VPS13D: variants seen among roughly 807,000 people sequenced by gnomAD.
VPS13D encodes the protein intermembrane lipid transfer protein VPS13D.
VPS13D carries 187 observed loss-of-function variants against 461.9 expected under a neutral mutation model. That is an observed-to-expected ratio of 0.40 (90% confidence interval 0.36 to 0.46). VPS13D has a LOEUF of 0.46. VPS13D is among the 20% of genes least tolerant of loss of function. The pLI is 0.60. For missense variants in VPS13D, 4,711 were observed against 5,364.9 expected (o/e 0.88, Z 3.81); for synonymous variants, 1,951 against 1,986.3 (o/e 0.98, Z 0.47).
chr1:12,253,947 T>C, intron 7 of VPS13D, 121 bp downstream of exon 7: 1 of 729,040 alleles, frequency 1.4e-6, no homozygotes, highest in African/African-American at 1.8e-5. Context: ...ACTGTTCCTC[T>C]AAAGCCATTC....
chr1:12,399,548 G>A (rs1038645142), intron 60 of VPS13D, among the ~76,000 whole-genome samples: 2 of 152,114 alleles, frequency 1.3e-5, no homozygotes, highest in South Asian at 2.1e-4. Context: ...GGCTGAGTGC[G>A]GTGGCTCACG....
chr1:12,384,558 A>G (rs1644325814), intron 58 of VPS13D, among the ~76,000 whole-genome samples: 1 of 152,204 alleles, frequency 6.6e-6, no homozygotes, highest in Non-Finnish European at 1.5e-5. Context: ...GAAAAAAAAG[A>G]TGTTGGAATG....
At chr1:12,242,484 A>G (rs1569644909) in intron 2 of VPS13D, 29 bp from the exon 3 acceptor site, 2 of 1,597,948 alleles carry the variant, frequency 1.3e-6, no homozygotes, top group Non-Finnish European at 1.7e-6. Context: ...TGTTAAATGG[A>G]TATTTCATGA....
chr1:12,322,509 A>G (rs779907771), intron 33 of VPS13D, 27 bp from the exon 34 acceptor site: 10 of 1,610,680 alleles, frequency 6.2e-6, no homozygotes, highest in Non-Finnish European at 7.6e-6. Flanking sequence ...GCTTTAAAAA[A>G]TTGCTACCTT....
chr1:12,404,196 C>CGACATTGCCGAAGATCAAGGAGTA (rs1240656091), intron 63 of VPS13D, among the ~76,000 whole-genome samples: 1 of 148,818 alleles, frequency 6.7e-6, no homozygotes, highest in Non-Finnish European at 1.5e-5. Context: ...AACTTAAATA[C>CGACATTGCCGAAGATCAAGGAGTA]GACATTGCCG....
In VPS13D at chr1:12,256,997, G is replaced by A. The variant is rs764628738; in HGVS notation, c.851G>A (p.Arg284Gln). The A allele has an allele frequency of 4.3e-6, 7 of 1,614,026 alleles. No individual in the cohort carries two copies. Among genetic ancestry groups the A allele is most frequent in the South Asian group, 2.2e-5 (2 of 91,072 alleles). Reference protein sequence around the residue: ...IPLKLSQLQYRQIMEFLKELE... With the variant: ...IPLKLSQLQYQQIMEFLKELE... ...ACCTCTAATACAAAGCTGCAATACC[G>A]GCAAATCATGGAATTCCTCAAGGAG... Residue 284 changes from arginine to glutamine, a missense_variant, in exon 9 of 70, where the codon CGG (arginine) becomes CAG (glutamine). By Grantham distance (43) the Arg-to-Gln change is conservative. Transcript: ENST00000620676.
At chr1:12,443,495 A>T (rs1271390735) in intron 65 of VPS13D, among the ~76,000 whole-genome samples, 1 of 152,168 alleles carries the variant, frequency 6.6e-6, no homozygotes, top group Admixed American at 6.5e-5. Context: ...GAGTTACTTG[A>T]TTAGAGAGTA....
Position 12,487,327 on chromosome 1 carries a change from G to A in VPS13D, c.12663-10173G>A, listed in dbSNP as rs543835545. The stretch of plus-strand genomic sequence containing the variant: ...GCGGTCTTGAAAAAGCAAACAAATC[G>A]GGTCAGGCACGGTGGCTCACGCCTG... On this transcript the variant is annotated intron_variant, in intron 67 of 69. Coordinates refer to ENST00000620676, the MANE Select transcript of VPS13D (RefSeq NM_015378.4). Among the ~76,000 whole-genome samples, 8 of 152,100 alleles carry A rather than the reference G, an allele frequency of 5.3e-5. No individual in the cohort carries two copies. The South Asian group carries it at 1.5e-3, about 28-fold the overall frequency.
At chr1:12,281,575 T>A (rs1641784419) in intron 20 of VPS13D, among the ~76,000 whole-genome samples, 1 of 152,146 alleles carries the variant, frequency 6.6e-6, no homozygotes, top group African/African-American at 2.4e-5. Flanking sequence ...GGAGGTAGAC[T>A]TCAGGTAGGT....
chr1:12,289,010 T>C (rs1275889463), intron 22 of VPS13D, among the ~76,000 whole-genome samples: 4 of 152,016 alleles, frequency 2.6e-5, no homozygotes, highest in Non-Finnish European at 5.9e-5. Context: ...CCCAACTAAT[T>C]TTTGTATTTT....
rs1408090941 is a variant in VPS13D at position 12,273,545 on chromosome 1, CA to C, written c.2236+411del. ...CCCCGACTGAAACTCTGTGTGTACCCATTAAACACCAATTCCCCTTCTCGCT... is the reference window on the plus strand; with the variant it reads ...CCCCGACTGAAACTCTGTGTGTACCCTTAAACACCAATTCCCCTTCTCGCT... On this transcript the variant is annotated intron_variant, in intron 18 of 69. Coordinates refer to ENST00000620676, the MANE Select transcript of VPS13D (RefSeq NM_015378.4). Among the ~76,000 whole-genome samples the C allele has an allele frequency of 2.0e-5, 3 of 152,322 alleles. No individual in the cohort carries two copies. In the East Asian group the frequency reaches 5.8e-4, roughly 29 times the overall value.
At chr1:12,409,392 T>A (rs1644695072) in intron 63 of VPS13D, among the ~76,000 whole-genome samples, 2 of 152,146 alleles carry the variant, frequency 1.3e-5, no homozygotes, top group South Asian at 4.1e-4. Flanking sequence ...AGAAGACACA[T>A]GCAAAAAGAT....
intron 68 of VPS13D, among the ~76,000 whole-genome samples, chr1:12,506,634 G>A (rs1646111753): frequency 6.6e-6 from 1 of 152,256 alleles, no homozygotes; most frequent in East Asian, 1.9e-4. Context: ...GTCCAATAGA[G>A]TATTGTTACA....
Position 12,479,164 on chromosome 1 carries a change from T to C in VPS13D, c.12663-18336T>C, listed in dbSNP as rs568100677. Among the ~76,000 whole-genome samples the C allele has an allele frequency of 1.8e-4, 28 of 152,278 alleles. 1 individual carries two copies. The highest frequency in any genetic ancestry group is 5.5e-4 in the African/African-American group (23 of 41,542). ...CCTGGAGTGGCCTGGGTTCTTACAG[T>C]GGGCACTGCATTGAGGAAATGGGCA... On this transcript the variant is annotated intron_variant, in intron 67 of 69. Coordinates refer to ENST00000620676, the MANE Select transcript of VPS13D (RefSeq NM_015378.4).
chr1:12,253,603 T>C (rs1640813030), intron 6 of VPS13D, 119 bp from the exon 7 acceptor site: 1 of 736,928 alleles, frequency 1.4e-6, no homozygotes, highest in South Asian at 1.7e-5. Context: ...TTGAGTTATA[T>C]GTCCACAGCA....
intron 65 of VPS13D, among the ~76,000 whole-genome samples, chr1:12,450,620 C>A (rs1275557922): frequency 6.6e-6 from 1 of 152,158 alleles, no homozygotes; most frequent in African/African-American, 2.4e-5. Flanking sequence ...TAGTTAGCCA[C>A]GTGATCATGA....
At position 12,497,540 on chromosome 1, in the gene VPS13D, G is replaced by T. The variant is rs779521379; in HGVS notation, c.12703G>T (p.Gly4235Trp). 6.2e-6 allele frequency: 10 copies of T among 1,614,090 alleles called. No homozygotes were observed. The highest frequency in any genetic ancestry group is 6.8e-6 in the Non-Finnish European group (8 of 1,179,992). ...GGTTCGGAAACCGCGTTGCTGCACGGGGCCCCAGGGGCTGCTTCCCCGATA... is the reference window on the plus strand; with the variant it reads ...GGTTCGGAAACCGCGTTGCTGCACGTGGCCCCAGGGGCTGCTTCCCCGATA... The part of the protein sequence containing the change: ...QRVRKPRCCT[G>W]PQGLLPRYSE... Residue 4235 changes from glycine to tryptophan, a missense_variant, in exon 68 of 70, where the codon GGG becomes TGG. Gly to Trp is a radical substitution (Grantham distance 184). Around this residue, in one of 3 missense-constraint regions of VPS13D, gnomAD observed 194 missense variants for 220.9 expected, o/e 0.88. Transcript: ENST00000620676.
At chr1:12,459,496 T>TC (rs1432056508) in intron 66 of VPS13D, among the ~76,000 whole-genome samples, 2 of 150,960 alleles carry the variant, frequency 1.3e-5, no homozygotes, top group Non-Finnish European at 3.0e-5. Context: ...TTTTTTTTTT[T>TC]TTTGAGACAG....
intron 67 of VPS13D, among the ~76,000 whole-genome samples, chr1:12,483,922 C>G (rs1052875609): frequency 2.0e-5 from 3 of 151,598 alleles, no homozygotes; most frequent in Non-Finnish European, 4.4e-5. Context: ...CACTTGAACC[C>G]GGGATGTGGA....
Sources: gnomAD v4.1 joint callset for allele counts (sites outside exome capture counted in the v4.1 genomes callset) on GRCh38, gnomAD v4.1.1 for gene constraint, gnomAD v4.1.1 regional missense constraint, MANE v1.5 for transcripts, NCBI Gene and HGNC (gene_info 2026-07-23, HGNC 2026-07-21) for gene names.